KMT2C: variants seen among roughly 807,000 people sequenced by gnomAD.
KMT2C encodes histone-lysine N-methyltransferase 2C.
Under a neutral mutation model 507.9 loss-of-function variants are expected in KMT2C, and 88 were observed. That is an observed-to-expected ratio of 0.17 (90% CI 0.15 to 0.21). The LOEUF is 0.21. Among genes scored for constraint, KMT2C ranks in the 10% least tolerant of loss-of-function variants. The pLI is 1.00. For synonymous variants in KMT2C, 2,049 were observed against 2,080.8 expected (o/e 0.98, Z 0.42); for missense variants, 4,954 against 5,957.8 (o/e 0.83, Z 5.55).
chr7:152,394,357 C>A, intron 1 of KMT2C, among the ~76,000 whole-genome samples: 1 of 152,426 alleles, frequency 6.6e-6, no homozygotes, highest in South Asian at 2.1e-4. Context: ...CACGCTACTT[C>A]TCTTATGATG....
chr7:152,161,013 C>G (rs1246702074), intron 43 of KMT2C, among the ~76,000 whole-genome samples: 1 of 152,090 alleles, frequency 6.6e-6, no homozygotes, highest in Non-Finnish European at 1.5e-5. Flanking sequence ...GAGAACAGAA[C>G]AGGCAGAAGC....
At chr7:152,211,464 A>G (rs2094452725) in intron 23 of KMT2C, among the ~76,000 whole-genome samples, 1 of 152,210 alleles carries the variant, frequency 6.6e-6, no homozygotes, top group Non-Finnish European at 1.5e-5. Flanking sequence ...AGGATGATGA[A>G]GAGGAAATCC....
At position 152,220,589 on chromosome 7, in the gene KMT2C, C is replaced by T. The variant is rs751399801; in HGVS notation, c.3646G>A (p.Val1216Ile). The T allele has an allele frequency of 1.2e-5, 20 of 1,611,884 alleles. No individual in the cohort carries two copies. Among genetic ancestry groups the T allele is most frequent in the Non-Finnish European group, 1.6e-5 (19 of 1,179,728 alleles). The stretch of plus-strand genomic sequence containing the variant: ...TGGATGTCTGGAGGGGTCTGAAGGA[C>T]GGCCACGCTATTCTGATTTATAATC... ...LKIINQNSVA[V>I]LQTPPDIQSE... The change falls in exon 23 of 59, where the codon GTC (valine) becomes ATC (isoleucine). Residue 1216 changes from valine (V) to isoleucine (I), a missense_variant. Val to Ile is a conservative substitution (Grantham distance 29, BLOSUM62 3). Around this residue, in one of 29 missense-constraint regions of KMT2C, gnomAD observed 176 missense variants for 262.0 expected, o/e 0.67. Coordinates refer to ENST00000262189, the MANE Select transcript of KMT2C (RefSeq NM_170606.3).
chr7:152,151,125 T>C, intron 50 of KMT2C, 118 bp from the exon 51 acceptor site: 1 of 672,978 alleles, frequency 1.5e-6, no homozygotes. Flanking sequence ...ATCTTAATAG[T>C]AGAAAGGAAA....
At chr7:152,386,635 C>G (rs1589645191) in intron 1 of KMT2C, among the ~76,000 whole-genome samples, 1 of 152,310 alleles carries the variant, frequency 6.6e-6, no homozygotes, top group African/African-American at 2.4e-5. Flanking sequence ...CCCTCATTTG[C>G]CAGGTGGACA....
At chr7:152,377,024 A>T (rs1304332590) in intron 1 of KMT2C, among the ~76,000 whole-genome samples, 2 of 99,152 alleles carry the variant, frequency 2.0e-5, no homozygotes, top group Non-Finnish European at 4.9e-5. Context: ...TGTCTCTTTT[A>T]AAAATAATAA....
At position 152,196,723 on chromosome 7, in the gene KMT2C, T is replaced by C. The variant is rs144604799; in HGVS notation, c.4274-712A>G. ...GGATTAAAAATAAGCTGCGGGGATG[T>C]TGTATTAGACAGAGTGGTCTATGAA... On this transcript the variant is annotated intron_variant, in intron 27 of 58. Transcript: ENST00000262189. 6.1e-3 allele frequency among the ~76,000 whole-genome samples: 923 copies of C among 152,292 alleles called. 7 individuals carry two copies. The highest frequency in any genetic ancestry group is 0.011 in the Non-Finnish European group (719 of 68,026).
chr7:152,368,128 A>T (rs1193333223), intron 1 of KMT2C: 1 of 935,076 alleles, frequency 1.1e-6, no homozygotes, highest in East Asian at 2.4e-5. Flanking sequence ...AGTTAATGGC[A>T]AAAGGGTCAA....
chr7:152,284,159 T>C (rs1332579118), intron 6 of KMT2C, among the ~76,000 whole-genome samples: 1 of 152,152 alleles, frequency 6.6e-6, no homozygotes, highest in Non-Finnish European at 1.5e-5. Context: ...AAAACTGTTT[T>C]AAAGATATGT....
In KMT2C at chr7:152,270,325, GA is replaced by G. The variant is rs545785111; in HGVS notation, c.1012+3379del. On this transcript the variant is annotated intron_variant, in intron 7 of 58. Transcript: ENST00000262189. ...AAAGATAACCAAAGAAAAGAGGCTGGAGTTAAAGCTTAAGTGAAGTAAAAGG... is the reference window on the plus strand; with the variant it reads ...AAAGATAACCAAAGAAAAGAGGCTGGGTTAAAGCTTAAGTGAAGTAAAAGG... 9.2e-5 allele frequency among the ~76,000 whole-genome samples: 14 copies of G among 152,320 alleles called. No individual in the cohort carries two copies. The East Asian group carries it at 2.7e-3, about 29-fold the overall frequency.
chr7:152,270,723 A>AC, intron 7 of KMT2C, among the ~76,000 whole-genome samples: 1 of 151,102 alleles, frequency 6.6e-6, no homozygotes, highest in Non-Finnish European at 1.5e-5. Flanking sequence ...GGTTGTATCT[A>AC]CTAGATGGAT....
At chr7:152,349,995 T>TA (rs2097097061) in intron 2 of KMT2C, among the ~76,000 whole-genome samples, 1 of 152,180 alleles carries the variant, frequency 6.6e-6, no homozygotes, top group South Asian at 2.1e-4. Flanking sequence ...TTCATGCCTA[T>TA]AATCGCAACA....
At chr7:152,260,729 T>C in intron 9 of KMT2C, among the ~76,000 whole-genome samples, 1 of 152,200 alleles carries the variant, frequency 6.6e-6, no homozygotes, top group Non-Finnish European at 1.5e-5. Flanking sequence ...ACATGTAGGG[T>C]TTCAGAAAAT....
rs751852529 is a variant in KMT2C at position 152,187,520 on chromosome 7, T to C, written c.4794-44A>G. The C allele has an allele frequency of 4.6e-6, 7 of 1,521,010 alleles. No individual in the cohort carries two copies. The Admixed American group carries it at 6.8e-5, about 15-fold the overall frequency. 94.2% of individuals were successfully genotyped at this position (1,521,010 alleles called of 1,614,324 possible). On this transcript the variant is annotated intron_variant, in intron 32 of 58. Transcript: ENST00000262189. Reference sequence around the variant, plus strand: ...CTTTACTTTATGAACATAAAATAACTTCTTAATATATGTTCAAGTATAGCT... The same window carrying C: ...CTTTACTTTATGAACATAAAATAACCTCTTAATATATGTTCAAGTATAGCT...
rs1255659331 is a variant in KMT2C, at chr7:152,193,350, G to T, written c.4660+659C>A. On this transcript the variant is annotated intron_variant, in intron 31 of 58. Coordinates refer to ENST00000262189, the MANE Select transcript of KMT2C (RefSeq NM_170606.3). ...AAAGGGGAGAAATTGGTAGCTAGTT[G>T]TAAGTAGGCAGAAGAAAAATGAACA... 1.6e-4 allele frequency among the ~76,000 whole-genome samples: 24 copies of T among 152,122 alleles called. 1 individual carries two copies. Among genetic ancestry groups the T allele is most frequent in the Admixed American group, 1.3e-3 (20 of 15,272 alleles).
intron 58 of KMT2C, chr7:152,137,567 C>G (rs982615214): frequency 6.6e-6 from 1 of 152,194 alleles, no homozygotes; most frequent in Non-Finnish European, 1.5e-5. Context: ...TGAAATGATT[C>G]TAGACGCTAG....
rs1447958658 is a variant in KMT2C, at chr7:152,181,222, C to G, written c.6638G>C (p.Gly2213Ala). The G allele has an allele frequency of 6.2e-7, 1 of 1,613,918 alleles. No homozygotes were observed. The highest frequency in any genetic ancestry group is 1.7e-5 in the Admixed American group (1 of 59,974). The change falls in exon 36 of 59, where the codon GGA (glycine) becomes GCA (alanine). Residue 2213 changes from glycine to alanine, a missense_variant. Gly to Ala is a moderately conservative substitution (Grantham distance 60). This residue lies in a region of KMT2C where 1,689 missense variants were observed against 1,654.3 expected (regional missense o/e 1.02). Transcript: ENST00000262189. ...YAHPPGTPRP[G>A]ISVPYSQPPA... ...TGGCTGAGAGTAAGGGACAGAAATT[C>G]CAGGTCTTGGTGTTCCAGGAGGATG...
At position 152,220,555 on chromosome 7, in the gene KMT2C, T is replaced by C. The variant is rs2094733634; in HGVS notation, c.3680A>G (p.His1227Arg). The C allele has an allele frequency of 6.2e-7, 1 of 1,611,414 alleles. No individual in the cohort carries two copies. The highest frequency in any genetic ancestry group is 8.5e-7 in the Non-Finnish European group (1 of 1,179,276). The change falls in exon 23 of 59, where the codon CAT becomes CGT. Residue 1227 changes from histidine (H) to arginine (R), a missense_variant. By Grantham distance (29) the His-to-Arg change is conservative (BLOSUM62 0). This residue lies in a region of KMT2C where 176 missense variants were observed against 262.0 expected (regional missense o/e 0.67). Coordinates refer to ENST00000262189, the MANE Select transcript of KMT2C (RefSeq NM_170606.3). ...LQTPPDIQSE[H>R]SRDGEMDDSR... ...ATCATCCATTTCACCATCCCTTGAA[T>C]GCTCTGATTGGATGTCTGGAGGGGT... is the stretch of plus-strand genomic sequence containing the variant.
chr7:152,171,580 AGAGAT>A (rs1416653698), intron 39 of KMT2C, among the ~76,000 whole-genome samples: 1 of 152,236 alleles, frequency 6.6e-6, no homozygotes, highest in Non-Finnish European at 1.5e-5. Flanking sequence ...AGTAAGATTC[AGAGAT>A]ATTCCGTAAC....
Sources: allele counts gnomAD v4.1 joint callset (sites outside exome capture counted in the v4.1 genomes callset), GRCh38; gene constraint gnomAD v4.1.1; regional missense constraint gnomAD v4.1.1; transcripts MANE v1.5; gene names NCBI Gene and HGNC (gene_info 2026-07-23, HGNC 2026-07-21).